LRRTM4: variants seen among roughly 807,000 people sequenced by gnomAD.
LRRTM4 encodes the protein leucine rich repeat transmembrane neuronal 4.
Under a neutral mutation model 47.6 loss-of-function variants are expected in LRRTM4, and 25 were observed. That is an observed-to-expected ratio of 0.53 (90% CI 0.38 to 0.73). The LOEUF is 0.73. Among genes scored for constraint, LRRTM4 ranks in the 30% least tolerant of loss-of-function variants. LRRTM4 has a pLI of 0.00. For missense variants in LRRTM4, 638 were observed against 713.4 expected, an observed-to-expected ratio of 0.89 and a Z score of 1.20; for synonymous variants, 311 against 269.5, an observed-to-expected ratio of 1.15 and a Z score of -1.51.
At chr2:76,931,144 G>T (rs1224980075) in intron 3 of LRRTM4, among the ~76,000 whole-genome samples, 1 of 152,042 alleles carries the variant, frequency 6.6e-6, no homozygotes, top group African/African-American at 2.4e-5. Flanking sequence ...AAAAATAACT[G>T]AAAGAGAATA....
intron 3 of LRRTM4, among the ~76,000 whole-genome samples, chr2:76,947,037 G>A (rs1452799204): frequency 6.6e-6 from 1 of 151,812 alleles, no homozygotes; most frequent in Non-Finnish European, 1.5e-5. Flanking sequence ...GATGTAGAGG[G>A]AAGGGTTTTA....
chr2:77,021,260 C>T (rs769595398), intron 3 of LRRTM4, among the ~76,000 whole-genome samples: 13 of 151,948 alleles, frequency 8.6e-5, no homozygotes, highest in Admixed American at 5.3e-4. Flanking sequence ...AACTTGAAGA[C>T]GAATGCTAGG....
intron 3 of LRRTM4, among the ~76,000 whole-genome samples, chr2:76,779,131 T>G (rs1369102584): frequency 6.6e-6 from 1 of 151,544 alleles, no homozygotes; most frequent in Non-Finnish European, 1.5e-5. Flanking sequence ...AGAGATAGTT[T>G]GTTATAATTT....
At chr2:77,092,159 G>A (rs1360473995) in intron 3 of LRRTM4, among the ~76,000 whole-genome samples, 1 of 151,852 alleles carries the variant, frequency 6.6e-6, no homozygotes, top group Admixed American at 6.6e-5. Flanking sequence ...TCTGCTTCCC[G>A]GCTCCTTCAG....
At chr2:77,053,034 G>T (rs189068376) in intron 3 of LRRTM4, among the ~76,000 whole-genome samples, 2 of 152,008 alleles carry the variant, frequency 1.3e-5, no homozygotes, top group Non-Finnish European at 2.9e-5. Context: ...AACATAGTTC[G>T]GGTAAAATGG....
chr2:76,796,182 G>C (rs557635509), intron 3 of LRRTM4, among the ~76,000 whole-genome samples: 4 of 143,452 alleles, frequency 2.8e-5, no homozygotes, highest in Non-Finnish European at 6.2e-5. Flanking sequence ...ACAGAGCCTC[G>C]CTGATTGCTA....
intron 3 of LRRTM4, among the ~76,000 whole-genome samples, chr2:76,960,106 C>T (rs1675805173): frequency 6.6e-6 from 1 of 151,530 alleles, no homozygotes; most frequent in Non-Finnish European, 1.5e-5. Context: ...ACTGCCTACA[C>T]CACATCTTTC....
intron 3 of LRRTM4, among the ~76,000 whole-genome samples, chr2:77,090,615 A>G (rs1396119058): frequency 6.6e-5 from 10 of 152,102 alleles, no homozygotes; most frequent in South Asian, 2.1e-4. Context: ...CAGTGGCCAG[A>G]CCTTCCTCCA....
intron 3 of LRRTM4, among the ~76,000 whole-genome samples, chr2:77,504,728 A>C (rs1678703162): frequency 6.6e-6 from 1 of 151,510 alleles, no homozygotes; most frequent in African/African-American, 2.4e-5. Flanking sequence ...CCTTATTTAT[A>C]GTTTGTAGTG....
intron 3 of LRRTM4, among the ~76,000 whole-genome samples, chr2:77,040,289 T>A (rs980630150): frequency 3.0e-4 from 46 of 151,398 alleles, no homozygotes; most frequent in African/African-American, 9.7e-4. Flanking sequence ...TGTATGCAAA[T>A]TACAGCTCAT....
At chr2:76,924,767 C>T (rs76994625) in intron 3 of LRRTM4, among the ~76,000 whole-genome samples, 1 of 151,940 alleles carries the variant, frequency 6.6e-6, no homozygotes, top group East Asian at 1.9e-4. Context: ...AAGACACACA[C>T]GCAGACACAC....
intron 3 of LRRTM4, among the ~76,000 whole-genome samples, chr2:77,071,271 G>T (rs1288363330): frequency 6.6e-6 from 1 of 152,086 alleles, no homozygotes; most frequent in Non-Finnish European, 1.5e-5. Flanking sequence ...TTGTGCTTCA[G>T]AATGCTCCAA....
chr2:76,789,782 G>T (rs538433039), intron 3 of LRRTM4, among the ~76,000 whole-genome samples: 146 of 152,294 alleles, frequency 9.6e-4, no homozygotes, highest in Admixed American at 1.8e-3. Flanking sequence ...AAGTCACAGA[G>T]AACAAAGGCA....
intron 3 of LRRTM4, among the ~76,000 whole-genome samples, chr2:76,968,372 A>C (rs1431206215): frequency 1.5e-5 from 2 of 137,686 alleles, no homozygotes; most frequent in African/African-American, 5.4e-5. Context: ...ATATATATAT[A>C]TATATATATA....
intron 3 of LRRTM4, among the ~76,000 whole-genome samples, chr2:77,087,990 C>T (rs1221091183): frequency 1.3e-5 from 2 of 151,984 alleles, no homozygotes; most frequent in Non-Finnish European, 2.9e-5. Context: ...CAGAGATGCA[C>T]AGGTGAATGA....
At chr2:76,965,246 G>C (rs1002966299) in intron 3 of LRRTM4, among the ~76,000 whole-genome samples, 4 of 151,160 alleles carry the variant, frequency 2.6e-5, no homozygotes, top group African/African-American at 9.7e-5. Flanking sequence ...TTATAGAAGA[G>C]TGAATGTAAA....
At chr2:77,014,427 C>T (rs917146859) in intron 3 of LRRTM4, among the ~76,000 whole-genome samples, 2 of 151,536 alleles carry the variant, frequency 1.3e-5, no homozygotes, top group Non-Finnish European at 2.9e-5. Context: ...TAAATCATCT[C>T]GTCCCTCTTG....
chr2:76,937,238 G>GC (rs1324451190), intron 3 of LRRTM4, among the ~76,000 whole-genome samples: 7 of 152,230 alleles, frequency 4.6e-5, no homozygotes, highest in African/African-American at 1.7e-4. Flanking sequence ...TTAGCCATAA[G>GC]TAGGAGGCAT....
intron 3 of LRRTM4, among the ~76,000 whole-genome samples, chr2:76,877,623 C>A (rs1330822455): frequency 2.0e-5 from 3 of 151,996 alleles, no homozygotes; most frequent in African/African-American, 7.2e-5. Flanking sequence ...GAATATATAA[C>A]AAGAAAATTG....
Sources: gnomAD v4.1 joint callset for allele counts (sites outside exome capture counted in the v4.1 genomes callset) on GRCh38, gnomAD v4.1.1 for gene constraint, MANE v1.5 for transcripts, NCBI Gene and HGNC (gene_info 2026-07-23, HGNC 2026-07-21) for gene names.